SLFN5: variants seen among roughly 807,000 people sequenced by gnomAD.
The protein encoded by SLFN5 is schlafen family member 5.
SLFN5 carries 34 observed loss-of-function variants against 48.5 expected under a neutral mutation model. That is an observed-to-expected ratio of 0.70 (90% CI 0.53 to 0.93). The LOEUF (loss-of-function observed/expected upper bound fraction) is 0.93, where lower values mean the gene tolerates loss of function less well. Among genes scored for constraint, SLFN5 ranks in the 40% least tolerant of loss-of-function variants. The pLI is 0.00. For missense variants in SLFN5, 1,006 were observed against 1,071.3 expected, an observed-to-expected ratio of 0.94 and a Z score of 0.85; for synonymous variants, 387 against 396.2, an observed-to-expected ratio of 0.98 and a Z score of 0.28.
intron 1 of SLFN5, among the ~76,000 whole-genome samples, chr17:35,244,457 T>TA (rs2092426153): frequency 6.6e-6 from 1 of 152,106 alleles, no homozygotes; most frequent in African/African-American, 2.4e-5. Flanking sequence ...GAGCAATGGC[T>TA]AAAGTTTGTC....
intron 1 of SLFN5, among the ~76,000 whole-genome samples, chr17:35,255,471 A>G (rs1364418674): frequency 6.6e-6 from 1 of 152,260 alleles, no homozygotes; most frequent in East Asian, 1.9e-4. Flanking sequence ...GCACATGTGC[A>G]TACGCATGGG....
At chr17:35,243,850 TG>T (rs1172807634) in intron 1 of SLFN5, among the ~76,000 whole-genome samples, 4 of 152,310 alleles carry the variant, frequency 2.6e-5, no homozygotes, top group Non-Finnish European at 5.9e-5. Flanking sequence ...CACAGATGCT[TG>T]GAGACAGAGG....
intron 1 of SLFN5, among the ~76,000 whole-genome samples, chr17:35,258,141 A>C (rs17547950): frequency 0.33 from 49,965 of 152,160 alleles, 10,053 homozygotes; most frequent in Middle Eastern, 0.51. Flanking sequence ...CTCACCTTAC[A>C]AGCTTAATTC....
rs1003229710 is a variant in SLFN5 at position 35,266,898 on chromosome 17, G to A, written c.*1010G>A. On this transcript the variant is annotated 3_prime_UTR_variant, in exon 5 of 5. Coordinates refer to ENST00000299977, the MANE Select transcript of SLFN5 (RefSeq NM_144975.4). ...TCTAGAAACTCTCTCAATATTTAAA[G>A]CCAAACAAATCCATCTTTTCTGAGA... 14 of 152,114 alleles carry A rather than the reference G, an allele frequency of 9.2e-5. No homozygotes were observed. The highest frequency in any genetic ancestry group is 3.4e-4 in the African/African-American group (14 of 41,418). The allele number at this position is 152,114 out of a possible 1,614,324, so 9.4% of individuals were successfully genotyped here. A position where few individuals can be genotyped will look rare whatever the true frequency, so the allele number is the denominator to read the frequency against.
chr17:35,255,506 CTG>C (rs1341593105), intron 1 of SLFN5, among the ~76,000 whole-genome samples: 2 of 152,214 alleles, frequency 1.3e-5, no homozygotes, highest in Non-Finnish European at 2.9e-5. Context: ...CTAATCTAAT[CTG>C]TGTGTCTCTC....
In SLFN5 at chr17:35,264,193, C is replaced by A; in HGVS notation, c.1149C>A (p.Asp383Glu). The change falls in exon 4 of 5, where the codon GAC becomes GAA. Residue 383 changes from aspartate (D) to glutamate (E), a missense_variant. Physicochemically the swap from Asp to Glu is conservative, Grantham distance 45 (BLOSUM62 2). Transcript: ENST00000299977. ...CCTTTCCCTGTCTAGTATTTTCAGA[C>A]AGAGTGGTATATACTCCAGAAAGCC... ...QQKRYFPVFS[D>E]RVVYTPESLY... 6.3e-7 allele frequency: 1 copy of A among 1,585,930 alleles called. No homozygotes were observed.
chr17:35,264,126 A>G, intron 3 of SLFN5, 57 bp from the exon 4 acceptor site: 3 of 1,515,370 alleles, frequency 2.0e-6, no homozygotes, highest in African/African-American at 1.4e-5. Flanking sequence ...ACGTATAATG[A>G]TGATTACTAG....
chr17:35,266,023 A>T lies in SLFN5; in HGVS notation c.*135A>T. The T allele has an allele frequency of 1.1e-6, 1 of 928,124 alleles. No homozygotes were observed. The allele number at this position is 928,124 out of a possible 1,614,324, so 57.5% of individuals were successfully genotyped here. On this transcript the variant is annotated 3_prime_UTR_variant, in exon 5 of 5. Transcript: ENST00000299977. ...TTCTAGGTGCTGGGGATTGAGAACGAATCGATGTAAGATTCCTCCTTTAGG... is the reference window on the plus strand; with the variant it reads ...TTCTAGGTGCTGGGGATTGAGAACGTATCGATGTAAGATTCCTCCTTTAGG...
chr17:35,246,973 T>C (rs971218731), intron 1 of SLFN5, among the ~76,000 whole-genome samples: 25 of 152,170 alleles, frequency 1.6e-4, no homozygotes, highest in Admixed American at 6.5e-5. Context: ...GTTGACAGGC[T>C]AAATATACAT....
At chr17:35,255,628 A>G (rs1197149188) in intron 1 of SLFN5, among the ~76,000 whole-genome samples, 1 of 152,186 alleles carries the variant, frequency 6.6e-6, no homozygotes, top group African/African-American at 2.4e-5. Flanking sequence ...GAAAGCTTGT[A>G]CTTGTATAAC....
At position 35,249,420 on chromosome 17, in the gene SLFN5, A is replaced by G. The variant is rs72825903; in HGVS notation, c.-41+6277A>G. On this transcript the variant is annotated intron_variant, in intron 1 of 4. Transcript: ENST00000299977. ...GCTCAGAGGAAGGAGAAACTACCCAATAGTCTGCCTTTCCCTAAACACTCA... is the reference window on the plus strand; with the variant it reads ...GCTCAGAGGAAGGAGAAACTACCCAGTAGTCTGCCTTTCCCTAAACACTCA... Among the ~76,000 whole-genome samples the G allele has an allele frequency of 5.7e-3, 872 of 152,326 alleles. 7 individuals carry two copies. Among genetic ancestry groups the G allele is most frequent in the Middle Eastern group, 0.02 (6 of 294 alleles).
intron 2 of SLFN5, among the ~76,000 whole-genome samples, chr17:35,260,493 G>T (rs566041559): frequency 6.7e-6 from 1 of 149,546 alleles, no homozygotes; most frequent in Non-Finnish European, 1.5e-5. Context: ...GGGAGGCCGA[G>T]GGGGGCAGAT....
rs937446474 is a variant in SLFN5 at position 35,270,687 on chromosome 17, T to C, written c.*4799T>C. ...GCTGGCTTTTTGGGCTGGACAACCA[T>C]TTATTGTGAGAGGCTTCTCTATGCA... On this transcript the variant is annotated 3_prime_UTR_variant, in exon 5 of 5. Transcript: ENST00000299977. 30 of 152,250 alleles carry C rather than the reference T, an allele frequency of 2.0e-4. No homozygotes were observed. The highest frequency in any genetic ancestry group is 7.0e-4 in the African/African-American group (29 of 41,444). The allele number at this position is 152,250 out of a possible 1,614,324, so 9.4% of individuals were successfully genotyped here.
At position 35,259,605 on chromosome 17, in the gene SLFN5, G is replaced by A. The variant is rs374598061; in HGVS notation, c.915G>A (p.Val305=). The change falls in exon 2 of 5, where the codon GTG becomes GTA. Residue 305 remains valine (V), a synonymous_variant. Transcript: ENST00000299977. Reference sequence around the variant, plus strand: ...AGGTGGAGAAATTCTGCTGTGCGGTGTTTGCCAAAGTGCCTAGTTCCTGGC... The same window carrying A: ...AGGTGGAGAAATTCTGCTGTGCGGTATTTGCCAAAGTGCCTAGTTCCTGGC... ...AIKVEKFCCA[V]FAKVPSSWQV... is the part of the protein sequence containing the mutation. 1.9e-5 allele frequency: 30 copies of A among 1,609,952 alleles called. No individual in the cohort carries two copies. In the African/African-American group the frequency reaches 3.3e-4, roughly 18 times the overall value.
intron 1 of SLFN5, among the ~76,000 whole-genome samples, chr17:35,244,929 A>C (rs2092427377): frequency 6.6e-6 from 1 of 152,024 alleles, no homozygotes; most frequent in Admixed American, 6.6e-5. Flanking sequence ...GAAAATAAGC[A>C]GTTTTATTAT....
intron 1 of SLFN5, among the ~76,000 whole-genome samples, chr17:35,252,467 G>A (rs967216973): frequency 2.0e-5 from 3 of 152,066 alleles, no homozygotes; most frequent in Admixed American, 1.3e-4. Context: ...GATATTTTCA[G>A]GTTATGTGTC....
At chr17:35,257,762 G>A (rs1014294484) in intron 1 of SLFN5, among the ~76,000 whole-genome samples, 4 of 151,964 alleles carry the variant, frequency 2.6e-5, no homozygotes, top group East Asian at 1.9e-4. Context: ...AGCTGACGTC[G>A]TTGCTATGTA....
intron 1 of SLFN5, among the ~76,000 whole-genome samples, chr17:35,245,704 T>C (rs952944306): frequency 2.0e-5 from 3 of 152,238 alleles, no homozygotes; most frequent in South Asian, 2.1e-4. Context: ...TTCTATTATA[T>C]GGATAATCAA....
chr17:35,244,790 A>G (rs2142680416), intron 1 of SLFN5, among the ~76,000 whole-genome samples: 1 of 152,204 alleles, frequency 6.6e-6, no homozygotes, highest in South Asian at 2.1e-4. Flanking sequence ...AAAAAATGCA[A>G]AAATTAGCTG....
Sources: gnomAD v4.1 joint callset for allele counts (sites outside exome capture counted in the v4.1 genomes callset) on GRCh38, gnomAD v4.1.1 for gene constraint, MANE v1.5 for transcripts, NCBI Gene and HGNC (gene_info 2026-07-23, HGNC 2026-07-21) for gene names.